The following JMY variants were observed in gnomAD, a reference collection of about 807,000 sequenced individuals.
JMY encodes junction mediating and regulatory protein, p53 cofactor.
In JMY, 46 loss-of-function variants were observed where a neutral mutation model predicts 103.3. The observed-to-expected ratio is 0.45, with a 90% CI of 0.35 to 0.57. JMY has a LOEUF of 0.57. Ranked by LOEUF, JMY falls within the 20% of genes least tolerant of loss-of-function variation. JMY has a pLI of 0.00. For missense variants in JMY, 1,238 were observed against 1,255.2 expected, an observed-to-expected ratio of 0.99 and a Z score of 0.21; for synonymous variants, 526 against 489.3, an observed-to-expected ratio of 1.07 and a Z score of -0.99.
At chr5:79,254,874 C>T (rs1745190857) in intron 1 of JMY, among the ~76,000 whole-genome samples, 1 of 151,406 alleles carries the variant, frequency 6.6e-6, no homozygotes, top group Admixed American at 6.6e-5. Flanking sequence ...AATAGTCTGT[C>T]TTCAAGCTCA....
At chr5:79,253,445 A>G (rs1380280844) in intron 1 of JMY, among the ~76,000 whole-genome samples, 1 of 152,036 alleles carries the variant, frequency 6.6e-6, no homozygotes, top group Non-Finnish European at 1.5e-5. Context: ...GGCATCCGCC[A>G]CCAAGCCCAG....
intron 7 of JMY, among the ~76,000 whole-genome samples, chr5:79,307,838 A>G (rs570682556): frequency 6.6e-6 from 1 of 152,206 alleles, no homozygotes; most frequent in East Asian, 1.9e-4. Flanking sequence ...TCCTGGGTTC[A>G]AGCAATTCTC....
Position 79,278,086 on chromosome 5 carries a change from A to AT in JMY, c.1206+10dup, listed in dbSNP as rs747404238. ...TGCTACGAAGACAGCAGATCAAGGT[A>AT]TTTTTTTATTAATCCTAACTAGTAG... On this transcript the variant is annotated splice_donor_region_variant and intron_variant, in intron 2 of 10. Coordinates refer to ENST00000396137, the MANE Select transcript of JMY (RefSeq NM_152405.5). 1.8e-5 allele frequency: 29 copies of AT among 1,604,218 alleles called. No homozygotes were observed. In the South Asian group the frequency reaches 2.1e-4, roughly 12 times the overall value.
intron 10 of JMY, among the ~76,000 whole-genome samples, chr5:79,317,058 C>T (rs1054664147): frequency 3.3e-5 from 4 of 121,210 alleles, no homozygotes; most frequent in Non-Finnish European, 5.8e-5. Context: ...GAAATCAATA[C>T]GTCAATTTTT....
chr5:79,237,191 C>T lies in JMY; in HGVS notation c.541C>T (p.Arg181Trp), dbSNP rs1403901960. The T allele has an allele frequency of 2.6e-6, 4 of 1,550,406 alleles. No homozygotes were observed. The Admixed American group carries it at 5.9e-5, about 23-fold the overall frequency. Residue 181 changes from arginine (R) to tryptophan (W), a missense_variant, in exon 1 of 11, where the codon CGG becomes TGG. Coordinates refer to ENST00000396137, the MANE Select transcript of JMY (RefSeq NM_152405.5). The part of the protein sequence containing the change: ...APREAQVSSV[R>W]IVSASGTVSE... ...CAGAGAGGCCCAGGTGTCCTCTGTA[C>T]GGATAGTGAGCGCCTCTGGGACGGT...
chr5:79,284,891 T>TA, intron 2 of JMY: 1 of 1,560,586 alleles, frequency 6.4e-7, no homozygotes, highest in Non-Finnish European at 8.7e-7. Context: ...CTGCCTTTCG[T>TA]AAGGTGCTTG....
intron 7 of JMY, 122 bp downstream of exon 7, chr5:79,306,583 A>G (rs1320694201): frequency 2.8e-6 from 2 of 715,518 alleles, no homozygotes; most frequent in Non-Finnish European, 2.4e-6. Context: ...TTCAGTTTAT[A>G]TAATGAGCAG....
chr5:79,298,826 A>G (rs1746641286), intron 4 of JMY, among the ~76,000 whole-genome samples: 1 of 152,236 alleles, frequency 6.6e-6, no homozygotes, highest in African/African-American at 2.4e-5. Flanking sequence ...AAAATATTCT[A>G]ATTATTGGGT....
intron 2 of JMY, among the ~76,000 whole-genome samples, chr5:79,289,254 G>T (rs1480054338): frequency 2.1e-5 from 3 of 145,556 alleles, no homozygotes; most frequent in African/African-American, 5.1e-5. Context: ...AAAAAAAAAA[G>T]GAGAATATGG....
In JMY at chr5:79,275,551, A is replaced by G. The variant is rs371856530; in HGVS notation, c.1033-2359A>G. Among the ~76,000 whole-genome samples, 3 of 152,306 alleles carry G rather than the reference A, an allele frequency of 2.0e-5. No homozygotes were observed. The East Asian group carries it at 5.8e-4, about 29-fold the overall frequency. On this transcript the variant is annotated intron_variant, in intron 1 of 10. Coordinates refer to ENST00000396137, the MANE Select transcript of JMY (RefSeq NM_152405.5). ...GCTGAAAGGCATGAATAAACCGTCT[A>G]GAGCCCTCCCTGCTTCCAAGGTATT... is the stretch of plus-strand genomic sequence containing the variant.
intron 2 of JMY, among the ~76,000 whole-genome samples, chr5:79,278,709 T>G (rs1046599374): frequency 1.3e-5 from 2 of 150,310 alleles, no homozygotes; most frequent in African/African-American, 4.9e-5. Flanking sequence ...AGGTCATGGC[T>G]GCAATGAGCC....
At chr5:79,267,139 T>G (rs1745608423) in intron 1 of JMY, among the ~76,000 whole-genome samples, 1 of 152,234 alleles carries the variant, frequency 6.6e-6, no homozygotes, top group African/African-American at 2.4e-5. Flanking sequence ...GTGTGGTACA[T>G]TTGTTATAAT....
chr5:79,321,417 T>C (rs1435942071), intron 10 of JMY, among the ~76,000 whole-genome samples, 189 bp from the exon 11 acceptor site: 1 of 152,184 alleles, frequency 6.6e-6, no homozygotes, highest in Non-Finnish European at 1.5e-5. Flanking sequence ...AAAATGAAAA[T>C]CTAATAGTCT....
Position 79,270,591 on chromosome 5 carries a change from T to A in JMY, c.1033-7319T>A, listed in dbSNP as rs1290181934. Among the ~76,000 whole-genome samples the A allele has an allele frequency of 2.0e-3, 59 of 29,222 alleles. 11 individuals are homozygous for A. Among genetic ancestry groups the A allele is most frequent in the Non-Finnish European group, 4.3e-3 (43 of 10,036 alleles). 19.2% of individuals were successfully genotyped at this position (29,222 alleles called of 152,430 possible). A position where few individuals can be genotyped will look rare whatever the true frequency, so the allele number is the denominator to read the frequency against. On this transcript the variant is annotated intron_variant, in intron 1 of 10. Transcript: ENST00000396137. ...TTAAAATGTATATTTACATAAATATTTAAAATGTATATTTACATAAATGTT... is the reference window on the plus strand; with the variant it reads ...TTAAAATGTATATTTACATAAATATATAAAATGTATATTTACATAAATGTT...
At chr5:79,278,921 A>G (rs1038291497) in intron 2 of JMY, among the ~76,000 whole-genome samples, 3 of 151,562 alleles carry the variant, frequency 2.0e-5, no homozygotes, top group African/African-American at 4.9e-5. Context: ...GTGAACCACC[A>G]TGCCCAGCCA....
rs199879072 is a variant in JMY, at chr5:79,258,305, G to GTTTTTTTTTTTTTTTT, written c.1033-19600_1033-19599insTTTTTTTTTTTTTTTT. 1.7e-5 allele frequency among the ~76,000 whole-genome samples: 2 copies of GTTTTTTTTTTTTTTTT among 117,026 alleles called. 1 individual carries two copies. 76.8% of individuals were successfully genotyped at this position (117,026 alleles called of 152,430 possible). A position where few individuals can be genotyped will look rare whatever the true frequency, so the allele number is the denominator to read the frequency against. ...AAATTCAGATATTAGGGCTTTTTTT[G>GTTTTTTTTTTTTTTTT]TTTTTGTTGTTTTTTTTTTTTTTTT... On this transcript the variant is annotated intron_variant, in intron 1 of 10. Coordinates refer to ENST00000396137, the MANE Select transcript of JMY (RefSeq NM_152405.5).
chr5:79,258,139 G>C (rs1365689034), intron 1 of JMY, among the ~76,000 whole-genome samples: 2 of 151,912 alleles, frequency 1.3e-5, no homozygotes, highest in African/African-American at 2.4e-5. Flanking sequence ...TTTCCCAGGG[G>C]TAGAACACAG....
At chr5:79,244,786 A>G (rs2112044910) in intron 1 of JMY, among the ~76,000 whole-genome samples, 1 of 151,974 alleles carries the variant, frequency 6.6e-6, no homozygotes, top group African/African-American at 2.4e-5. Context: ...TTCCAAGTGT[A>G]AGAGACATAG....
chr5:79,254,479 C>G (rs1745180090), intron 1 of JMY, among the ~76,000 whole-genome samples: 1 of 152,324 alleles, frequency 6.6e-6, no homozygotes, highest in South Asian at 2.1e-4. Flanking sequence ...GCCGCTCTCT[C>G]CTGGCCTGTA....
Sources: gnomAD v4.1 joint callset for allele counts (sites outside exome capture counted in the v4.1 genomes callset) on GRCh38, gnomAD v4.1.1 for gene constraint, MANE v1.5 for transcripts, NCBI Gene and HGNC (gene_info 2026-07-23, HGNC 2026-07-21) for gene names.